PIAS1: variants seen among roughly 807,000 people sequenced by gnomAD.
PIAS1 encodes E3 SUMO-protein ligase PIAS1.
In PIAS1, 6 loss-of-function variants were observed where a neutral mutation model predicts 71.3. The observed-to-expected ratio is 0.08, with a 90% CI of 0.05 to 0.17. The LOEUF is 0.17. Ranked by LOEUF, PIAS1 falls within the 10% of genes least tolerant of loss-of-function variation. The pLI, the probability that PIAS1 is intolerant of heterozygous loss-of-function variation, is 1.00. For synonymous variants in PIAS1, 303 were observed against 292.9 expected (o/e 1.03, Z -0.35); for missense variants, 555 against 793.6 (o/e 0.70, Z 3.61).
chr15:68,155,982 C>CT (rs924795099), intron 7 of PIAS1, among the ~76,000 whole-genome samples: 1 of 152,184 alleles, frequency 6.6e-6, no homozygotes, highest in African/African-American at 2.4e-5. Context: ...ACCATAATTA[C>CT]TTTTTTAGCT....
At position 68,189,297 on chromosome 15, in the gene PIAS1, A is replaced by G. The variant is rs1333417661; in HGVS notation, c.*1462A>G. On this transcript the variant is annotated 3_prime_UTR_variant, in exon 14 of 14. Coordinates refer to ENST00000249636, the MANE Select transcript of PIAS1 (RefSeq NM_016166.3). ...TATGATGTTCTCAGGTGTGGAAAAT[A>G]TTTTTTAGTTGATTGAGAATGCAGG... is the stretch of plus-strand genomic sequence containing the variant. The G allele has an allele frequency of 2.6e-5, 4 of 152,190 alleles. No individual in the cohort carries two copies. In the East Asian group the frequency reaches 7.7e-4, roughly 29 times the overall value. The allele number at this position is 152,190 out of a possible 1,614,324, so 9.4% of individuals were successfully genotyped here. A position where few individuals can be genotyped will look rare whatever the true frequency, so the allele number is the denominator to read the frequency against.
At chr15:68,145,672 T>C (rs2092803083) in intron 4 of PIAS1, 144 bp from the exon 5 acceptor site, 4 of 583,738 alleles carry the variant, frequency 6.9e-6, no homozygotes, top group South Asian at 4.4e-5. Context: ...CATATACTTA[T>C]TAATAGGGTG....
intron 11 of PIAS1, among the ~76,000 whole-genome samples, chr15:68,179,564 CTTTTTTTTTTTTTTTT>C (rs766344324): frequency 7.5e-5 from 3 of 40,094 alleles, no homozygotes; most frequent in South Asian, 1.5e-3. Context: ...GTGAAATGTT[CTTTTTTTTTTTTTTTT>C]TTTTTTTTTT....
chr15:68,158,487 A>G (rs2092905255), intron 7 of PIAS1, among the ~76,000 whole-genome samples: 1 of 152,278 alleles, frequency 6.6e-6, no homozygotes, highest in East Asian at 1.9e-4. Flanking sequence ...AACATACTCC[A>G]TCAGAGTGCA....
At chr15:68,110,594 C>A (rs2092515111) in intron 2 of PIAS1, among the ~76,000 whole-genome samples, 1 of 151,634 alleles carries the variant, frequency 6.6e-6, no homozygotes, top group Non-Finnish European at 1.5e-5. Flanking sequence ...GAAACTTCTT[C>A]TCCAAAAAGA....
intron 12 of PIAS1, among the ~76,000 whole-genome samples, chr15:68,182,425 AGTGTGT>A (rs10532167): frequency 0.038 from 4,718 of 123,292 alleles, 240 homozygotes; most frequent in African/African-American, 0.12. Flanking sequence ...AGTTACAGCT[AGTGTGT>A]GTGTGTGTGT....
At chr15:68,164,337 C>T (rs1301742657) in intron 7 of PIAS1, among the ~76,000 whole-genome samples, 6 of 151,866 alleles carry the variant, frequency 4.0e-5, no homozygotes, top group East Asian at 1.9e-4. Context: ...TTAATGTCCT[C>T]GAAAGTAGAA....
intron 2 of PIAS1, among the ~76,000 whole-genome samples, chr15:68,109,407 G>T (rs1327496824): frequency 6.6e-6 from 1 of 151,844 alleles, no homozygotes; most frequent in Non-Finnish European, 1.5e-5. Context: ...CAGTGGTTTG[G>T]GTCTCTTGTT....
Position 68,191,540 on chromosome 15 carries a change from T to C in PIAS1, c.*3705T>C, listed in dbSNP as rs1251251922. On this transcript the variant is annotated 3_prime_UTR_variant, in exon 14 of 14. Coordinates refer to ENST00000249636, the MANE Select transcript of PIAS1 (RefSeq NM_016166.3). Reference sequence around the variant, plus strand: ...TGAGACAAGTGATAATGGTTTGTGCTTCCAAAGCACCTTTCATCCAGAGAT... The same window carrying C: ...TGAGACAAGTGATAATGGTTTGTGCCTCCAAAGCACCTTTCATCCAGAGAT... 2 of 152,678 alleles carry C rather than the reference T, an allele frequency of 1.3e-5. No homozygotes were observed. The highest frequency in any genetic ancestry group is 2.9e-5 in the Non-Finnish European group (2 of 68,046). 9.5% of individuals were successfully genotyped at this position (152,678 alleles called of 1,614,324 possible).
chr15:68,112,559 A>T (rs1053649903), intron 2 of PIAS1, among the ~76,000 whole-genome samples: 3 of 152,176 alleles, frequency 2.0e-5, no homozygotes, highest in Admixed American at 6.5e-5. Flanking sequence ...AAATCTTTTT[A>T]AAAAATGTAA....
chr15:68,126,831 C>CTT (rs11398406), intron 2 of PIAS1, among the ~76,000 whole-genome samples: 2 of 146,356 alleles, frequency 1.4e-5, no homozygotes, highest in African/African-American at 5.0e-5. Context: ...TCCCAGCTAC[C>CTT]TTTTTTTTTT....
At chr15:68,162,687 G>A (rs1222102349) in intron 7 of PIAS1, among the ~76,000 whole-genome samples, 2 of 152,190 alleles carry the variant, frequency 1.3e-5, no homozygotes, top group Non-Finnish European at 2.9e-5. Flanking sequence ...TAAGAGGGGT[G>A]AGGAGAAGGG....
At chr15:68,183,073 C>A (rs1254609999) in intron 12 of PIAS1, among the ~76,000 whole-genome samples, 2 of 152,190 alleles carry the variant, frequency 1.3e-5, no homozygotes, top group Non-Finnish European at 1.5e-5. Context: ...CAGAACTACT[C>A]CTTCTTATGT....
At chr15:68,125,701 T>C (rs1178986978) in intron 2 of PIAS1, among the ~76,000 whole-genome samples, 2 of 152,130 alleles carry the variant, frequency 1.3e-5, no homozygotes, top group African/African-American at 4.8e-5. Flanking sequence ...GTTTCCGATT[T>C]TTTTTTTCTC....
chr15:68,147,170 A>G (rs1045466868), intron 6 of PIAS1, among the ~76,000 whole-genome samples: 1 of 152,226 alleles, frequency 6.6e-6, no homozygotes, highest in Non-Finnish European at 1.5e-5. Flanking sequence ...CAGAATTTTA[A>G]GAAATTTTGT....
intron 6 of PIAS1, among the ~76,000 whole-genome samples, chr15:68,149,488 A>G (rs1023735075): frequency 6.6e-6 from 1 of 152,010 alleles, no homozygotes; most frequent in Non-Finnish European, 1.5e-5. Context: ...TTTATTTACA[A>G]TATTTAATAT....
chr15:68,134,618 G>T (rs1300071055), intron 2 of PIAS1, among the ~76,000 whole-genome samples: 1 of 4,860 alleles, frequency 2.1e-4, no homozygotes. Flanking sequence ...CGGGCGGGGG[G>T]CTAACCCCCC....
intron 13 of PIAS1, chr15:68,184,701 A>G (rs1456725432): frequency 6.6e-6 from 1 of 152,346 alleles, no homozygotes; most frequent in African/African-American, 2.4e-5. Flanking sequence ...TGCCAGACAA[A>G]TTTTCAATAC....
intron 1 of PIAS1, chr15:68,055,145 T>G: frequency 1.0e-6 from 1 of 965,092 alleles, no homozygotes; most frequent in Non-Finnish European, 1.2e-6. Context: ...CCTCTCTCCC[T>G]TCTTTTGCCT....
Sources: allele counts gnomAD v4.1 joint callset (sites outside exome capture counted in the v4.1 genomes callset), GRCh38; gene constraint gnomAD v4.1.1; transcripts MANE v1.5; gene names NCBI Gene and HGNC (gene_info 2026-07-23, HGNC 2026-07-21).